Variants in GRIN2B observed in about 807,000 individuals in gnomAD.
GRIN2B encodes the protein glutamate ionotropic receptor NMDA type subunit 2B, also known as glutamate receptor ionotropic, NMDA 2B.
Under a neutral mutation model 114.5 loss-of-function variants are expected in GRIN2B, and 5 were observed. The observed-to-expected ratio is 0.04, with a 90% CI of 0.02 to 0.09. The LOEUF (loss-of-function observed/expected upper bound fraction) is 0.09, where lower values mean the gene tolerates loss of function less well. Ranked by LOEUF, GRIN2B falls within the 10% of genes least tolerant of loss-of-function variation. The probability of loss-of-function intolerance (pLI) is 1.00; values close to 1 mark genes in which losing one functional copy is unlikely to be tolerated. For synonymous variants in GRIN2B, 787 were observed against 745.1 expected (o/e 1.06, Z -0.92); for missense variants, 1,108 against 1,943.5 (o/e 0.57, Z 8.08).
intron 2 of GRIN2B, among the ~76,000 whole-genome samples, chr12:13,959,788 T>C (rs1867659059): frequency 7.7e-6 from 1 of 129,224 alleles, no homozygotes; most frequent in Non-Finnish European, 1.6e-5. Context: ...TTTTTTTTGG[T>C]CTTCACCATT....
At chr12:13,614,960 G>C (rs1010976857) in intron 8 of GRIN2B, among the ~76,000 whole-genome samples, 154 bp downstream of exon 8, 3 of 152,182 alleles carry the variant, frequency 2.0e-5, no homozygotes, top group African/African-American at 7.2e-5. Flanking sequence ...GAGAGTAATT[G>C]ATTTTGAAGT....
At chr12:13,715,451 A>G (rs1023131781) in intron 4 of GRIN2B, among the ~76,000 whole-genome samples, 7 of 151,934 alleles carry the variant, frequency 4.6e-5, no homozygotes, top group African/African-American at 1.7e-4. Context: ...TCTTGCTCTG[A>G]AGGTAAAAAG....
intron 2 of GRIN2B, among the ~76,000 whole-genome samples, chr12:13,928,718 C>A (rs572271548): frequency 1.3e-5 from 2 of 152,306 alleles, no homozygotes; most frequent in African/African-American, 4.8e-5. Flanking sequence ...AGGTATTCAA[C>A]TTTTATCTTG....
chr12:13,691,312 T>A (rs1439041899), intron 4 of GRIN2B, among the ~76,000 whole-genome samples: 2 of 152,108 alleles, frequency 1.3e-5, no homozygotes, highest in African/African-American at 4.8e-5. Flanking sequence ...GGCTGGGAAA[T>A]TAAGAGTTGA....
intron 10 of GRIN2B, among the ~76,000 whole-genome samples, chr12:13,587,697 T>C (rs1948948524): frequency 1.3e-5 from 2 of 152,172 alleles, no homozygotes; most frequent in Non-Finnish European, 2.9e-5. Flanking sequence ...CGGAAAAACA[T>C]ATTAACATTT....
chr12:13,585,657 A>G (rs1948912561), intron 10 of GRIN2B, among the ~76,000 whole-genome samples: 1 of 152,078 alleles, frequency 6.6e-6, no homozygotes, highest in Non-Finnish European at 1.5e-5. Flanking sequence ...TTTCCCATGG[A>G]TTTCTTTTTC....
chr12:13,732,401 C>G (rs1347721026), intron 4 of GRIN2B, among the ~76,000 whole-genome samples: 1 of 152,130 alleles, frequency 6.6e-6, no homozygotes, highest in East Asian at 1.9e-4. Context: ...AAGTCCAAAT[C>G]TTTGTTCATG....
intron 4 of GRIN2B, among the ~76,000 whole-genome samples, chr12:13,724,461 T>C (rs1369031725): frequency 1.3e-5 from 2 of 152,138 alleles, no homozygotes; most frequent in Non-Finnish European, 2.9e-5. Context: ...CTTGCAGAGA[T>C]GCCTATAGGC....
At chr12:13,834,666 G>A (rs1390354324) in intron 3 of GRIN2B, among the ~76,000 whole-genome samples, 2 of 152,148 alleles carry the variant, frequency 1.3e-5, no homozygotes, top group African/African-American at 4.8e-5. Flanking sequence ...GGGAACAGAG[G>A]GGAAGGTGTG....
chr12:13,721,023 C>T (rs952888758), intron 4 of GRIN2B, among the ~76,000 whole-genome samples: 6 of 151,994 alleles, frequency 3.9e-5, no homozygotes, highest in East Asian at 3.9e-4. Flanking sequence ...TAATTAGTAC[C>T]GTACAATAGA....
intron 3 of GRIN2B, among the ~76,000 whole-genome samples, chr12:13,785,272 C>G (rs1258270671): frequency 1.3e-5 from 2 of 152,164 alleles, no homozygotes; most frequent in African/African-American, 4.8e-5. Context: ...TTGTTTTAAC[C>G]CCATCTGCAT....
chr12:13,894,443 C>T (rs1866320961), intron 2 of GRIN2B, among the ~76,000 whole-genome samples: 1 of 152,032 alleles, frequency 6.6e-6, no homozygotes, highest in African/African-American at 2.4e-5. Flanking sequence ...ATAGAAAAAT[C>T]TGTATGCTGT....
At chr12:13,642,189 A>AAAACAAACAAACAAAC (rs35583863) in intron 5 of GRIN2B, among the ~76,000 whole-genome samples, 13 of 149,766 alleles carry the variant, frequency 8.7e-5, no homozygotes, top group South Asian at 6.5e-4. Context: ...ACTCTGTCTC[A>AAAACAAACAAACAAAC]AAACAAACAA....
intron 10 of GRIN2B, among the ~76,000 whole-genome samples, chr12:13,607,221 A>G (rs1949268933): frequency 9.3e-6 from 1 of 107,988 alleles, no homozygotes; most frequent in Non-Finnish European, 1.7e-5. Flanking sequence ...AAATATATAT[A>G]AAATATATAA....
chr12:13,688,387 A>C (rs1950188748), intron 4 of GRIN2B, among the ~76,000 whole-genome samples: 1 of 152,208 alleles, frequency 6.6e-6, no homozygotes, highest in Non-Finnish European at 1.5e-5. Flanking sequence ...AACTAAACAC[A>C]CAGGCTTTTT....
intron 3 of GRIN2B, among the ~76,000 whole-genome samples, chr12:13,840,455 C>G (rs1339244367): frequency 1.3e-5 from 2 of 152,070 alleles, no homozygotes; most frequent in Non-Finnish European, 2.9e-5. Flanking sequence ...TCCTGGCTGC[C>G]CCTCTTACCT....
At chr12:13,813,366 G>A (rs1037496309) in intron 3 of GRIN2B, among the ~76,000 whole-genome samples, 5 of 152,092 alleles carry the variant, frequency 3.3e-5, no homozygotes, top group African/African-American at 9.7e-5. Context: ...GGCAAAAATC[G>A]GAACCAGATG....
Position 13,578,182 on chromosome 12 carries a change from T to A in GRIN2B, c.2011-6218A>T, listed in dbSNP as rs111306999. On this transcript the variant is annotated intron_variant, in intron 10 of 13. Coordinates refer to ENST00000609686, the MANE Select transcript of GRIN2B (RefSeq NM_000834.5). The stretch of plus-strand genomic sequence containing the variant: ...CAATCCTCCTACCTCAGCCTCCCAT[T>A]CGGTTGACTAAAGTCTGCCAGAAAT... Among the ~76,000 whole-genome samples, 237 of 152,276 alleles carry A rather than the reference T, an allele frequency of 1.6e-3. 1 individual carries two copies. Among genetic ancestry groups the A allele is most frequent in the African/African-American group, 5.5e-3 (229 of 41,570 alleles).
chr12:13,597,586 C>A (rs904956354), intron 10 of GRIN2B, among the ~76,000 whole-genome samples: 10 of 152,132 alleles, frequency 6.6e-5, no homozygotes, highest in African/African-American at 2.4e-4. Flanking sequence ...AAGGGGTAGC[C>A]AATAGGAACC....
Sources: gnomAD v4.1 joint callset for allele counts (sites outside exome capture counted in the v4.1 genomes callset) on GRCh38, gnomAD v4.1.1 for gene constraint, MANE v1.5 for transcripts, NCBI Gene and HGNC (gene_info 2026-07-23, HGNC 2026-07-21) for gene names.